The following SLC44A5 variants were observed in gnomAD, a reference collection of about 807,000 sequenced individuals.
SLC44A5 encodes choline transporter-like protein 5.
Under a neutral mutation model 101.8 loss-of-function variants are expected in SLC44A5, and 57 were observed. The ratio of observed to expected loss-of-function variants is 0.56; its 90% CI spans 0.45 to 0.70. SLC44A5 has a LOEUF of 0.70. SLC44A5 is among the 30% of genes least tolerant of loss of function. The pLI is 0.00. For missense variants in SLC44A5, 737 were observed against 853.1 expected, an observed-to-expected ratio of 0.86 and a Z score of 1.70; for synonymous variants, 281 against 290.9, an observed-to-expected ratio of 0.97 and a Z score of 0.35.
At chr1:75,700,055 T>C in the SLC44A5 span, among the ~76,000 whole-genome samples, 1 of 152,106 alleles carries the variant, frequency 6.6e-6, no homozygotes, top group Non-Finnish European at 1.5e-5. Flanking sequence ...ACATTAATAA[T>C]GGGAGACTTT....
intron 1 of SLC44A5, among the ~76,000 whole-genome samples, chr1:75,588,817 G>A (rs1296957972): frequency 2.6e-5 from 4 of 152,080 alleles, no homozygotes; most frequent in Admixed American, 2.6e-4. Context: ...AAGGCACTGT[G>A]CTAGTCACCA....
chr1:75,537,034 A>AAAAAAAACAG (rs1553199990), intron 2 of SLC44A5, among the ~76,000 whole-genome samples: 1 of 18,648 alleles, frequency 5.4e-5, no homozygotes, highest in Non-Finnish European at 1.6e-4. Flanking sequence ...AAAAAAAAAA[A>AAAAAAAACAG]TATATATCTA....
At chr1:75,459,750 C>G (rs1398559049) in intron 2 of SLC44A5, among the ~76,000 whole-genome samples, 1 of 152,208 alleles carries the variant, frequency 6.6e-6, no homozygotes, top group Non-Finnish European at 1.5e-5. Context: ...TAGTCATAGT[C>G]TGTAAAGCAT....
chr1:75,334,705 C>A (rs565895453), intron 4 of SLC44A5, among the ~76,000 whole-genome samples: 2 of 152,108 alleles, frequency 1.3e-5, no homozygotes, highest in Admixed American at 6.5e-5. Flanking sequence ...CCAGGTAGAA[C>A]TATCAAGTAG....
chr1:75,475,499 T>G (rs2101745474), intron 2 of SLC44A5, among the ~76,000 whole-genome samples: 1 of 152,340 alleles, frequency 6.6e-6, no homozygotes, highest in South Asian at 2.1e-4. Context: ...TTATTACTTG[T>G]CCAGCCAGAA....
the SLC44A5 span, among the ~76,000 whole-genome samples, chr1:75,627,800 T>C: frequency 6.6e-6 from 1 of 151,312 alleles, no homozygotes; most frequent in African/African-American, 2.4e-5. Context: ...ATTTGACAGA[T>C]TCTAAGTTTT....
intron 2 of SLC44A5, among the ~76,000 whole-genome samples, chr1:75,505,331 A>C (rs978340814): frequency 1.3e-5 from 2 of 152,162 alleles, no homozygotes; most frequent in African/African-American, 4.8e-5. Context: ...AAATGAGTGC[A>C]TGTGTCCTTT....
the SLC44A5 span, among the ~76,000 whole-genome samples, chr1:75,684,164 A>G: frequency 3.3e-5 from 5 of 152,198 alleles, no homozygotes; most frequent in Admixed American, 2.6e-4. Context: ...AGACTTATTC[A>G]TTACCATGAG....
chr1:75,616,126 G>C, the SLC44A5 span, among the ~76,000 whole-genome samples: 43 of 151,888 alleles, frequency 2.8e-4, no homozygotes, highest in African/African-American at 9.7e-4. Flanking sequence ...TGCTGTGGAC[G>C]CGGTGGCTGC....
At chr1:75,575,988 GCA>G (rs1474795267) in intron 1 of SLC44A5, among the ~76,000 whole-genome samples, 2 of 151,978 alleles carry the variant, frequency 1.3e-5, no homozygotes, top group African/African-American at 4.8e-5. Flanking sequence ...AATACAAACA[GCA>G]CCAGAAATGT....
Position 75,222,456 on chromosome 1 carries a change from T to C in SLC44A5, c.990A>G (p.Ile330Met), listed in dbSNP as rs751682425. 6.2e-7 allele frequency: 1 copy of C among 1,606,098 alleles called. No homozygotes were observed. Among genetic ancestry groups the C allele is most frequent in the African/African-American group, 1.3e-5 (1 of 74,834 alleles). The change falls in exon 14 of 24, where the codon ATA becomes ATG. Residue 330 changes from isoleucine to methionine, a missense_variant. Around this residue, in one of 3 missense-constraint regions of SLC44A5, gnomAD observed 665 missense variants for 764.4 expected, o/e 0.87. Transcript: ENST00000370859. ...ELQQTWFTFM[I>M]ILCIIEVIVI... is the part of the protein sequence containing the mutation. ...CAATCACTTCAATGATGCAGAGTAT[T>C]ATCACTTTGAACAGGAAAAAAAAAA... is the stretch of plus-strand genomic sequence containing the variant.
At chr1:75,681,601 C>A in the SLC44A5 span, among the ~76,000 whole-genome samples, 1 of 150,878 alleles carries the variant, frequency 6.6e-6, no homozygotes, top group Non-Finnish European at 1.5e-5. Flanking sequence ...ATTGATGGGA[C>A]ATATTTCAAA....
At chr1:75,635,251 C>G in the SLC44A5 span, among the ~76,000 whole-genome samples, 1 of 151,276 alleles carries the variant, frequency 6.6e-6, no homozygotes, top group African/African-American at 2.4e-5. Flanking sequence ...GTCAGTGTGG[C>G]GATTCCTCGG....
intron 1 of SLC44A5, among the ~76,000 whole-genome samples, chr1:75,562,914 A>G (rs111297803): frequency 1.3e-5 from 2 of 152,242 alleles, no homozygotes; most frequent in African/African-American, 4.8e-5. Flanking sequence ...CAGTTCAAGG[A>G]AAAACACTGA....
intron 2 of SLC44A5, among the ~76,000 whole-genome samples, chr1:75,473,839 A>G (rs1388381810): frequency 1.3e-5 from 2 of 152,198 alleles, no homozygotes; most frequent in African/African-American, 4.8e-5. Context: ...CCAATAGCAA[A>G]TTTGTCCAGC....
chr1:75,444,386 G>A (rs1012234642), intron 2 of SLC44A5, among the ~76,000 whole-genome samples: 1 of 144,046 alleles, frequency 6.9e-6, no homozygotes, highest in African/African-American at 2.6e-5. Flanking sequence ...AGAAGGAAGG[G>A]AAGAAGGAAG....
At chr1:75,434,795 C>G (rs1664796964) in intron 2 of SLC44A5, among the ~76,000 whole-genome samples, 1 of 152,108 alleles carries the variant, frequency 6.6e-6, no homozygotes, top group African/African-American at 2.4e-5. Context: ...TGCATCCCTG[C>G]CTATTGAAAT....
At chr1:75,429,193 A>G (rs879430858) in intron 2 of SLC44A5, among the ~76,000 whole-genome samples, 3 of 152,202 alleles carry the variant, frequency 2.0e-5, no homozygotes, top group African/African-American at 7.2e-5. Context: ...AATACCTGGA[A>G]TGTTTTTGTG....
intron 5 of SLC44A5, among the ~76,000 whole-genome samples, chr1:75,294,661 T>C (rs565232352): frequency 2.4e-4 from 36 of 152,182 alleles, no homozygotes; most frequent in East Asian, 7.7e-4. Context: ...TATACATACA[T>C]ACACATATAC....
Sources: gnomAD v4.1 joint callset for allele counts (sites outside exome capture counted in the v4.1 genomes callset) on GRCh38, gnomAD v4.1.1 for gene constraint, gnomAD v4.1.1 regional missense constraint, MANE v1.5 for transcripts, NCBI Gene and HGNC (gene_info 2026-07-23, HGNC 2026-07-21) for gene names.